Variants in GFRAL observed in about 807,000 individuals in gnomAD.
The protein encoded by GFRAL is GDNF family receptor alpha like.
GFRAL carries 36 observed loss-of-function variants against 45.4 expected under a neutral mutation model. The ratio of observed to expected loss-of-function variants is 0.79; its 90% confidence interval spans 0.61 to 1.05. The LOEUF (loss-of-function observed/expected upper bound fraction) is 1.05. Among genes scored for constraint, GFRAL ranks in the 50% least tolerant of loss-of-function variants. The pLI, the probability that GFRAL is intolerant of heterozygous loss-of-function variation, is 0.00. For synonymous variants in GFRAL, 166 were observed against 154.1 expected (o/e 1.08, Z -0.57); for missense variants, 507 against 467.5 (o/e 1.08, Z -0.78).
At chr6:55,328,933 G>C (rs1182332391) in intron 1 of GFRAL, among the ~76,000 whole-genome samples, 1 of 151,968 alleles carries the variant, frequency 6.6e-6, no homozygotes, top group Non-Finnish European at 1.5e-5. Context: ...ATGTCTGTTG[G>C]TAAAGAAATG....
intron 6 of GFRAL, among the ~76,000 whole-genome samples, chr6:55,395,647 G>A (rs908093171): frequency 1.3e-5 from 2 of 151,766 alleles, no homozygotes; most frequent in Non-Finnish European, 2.9e-5. Context: ...CAAGTATTCT[G>A]ACATTTATTT....
rs373588261 is a variant in GFRAL at position 55,358,944 on chromosome 6, A to G, written c.758A>G (p.His253Arg). The change falls in exon 6 of 9, where the codon CAT becomes CGT. Residue 253 changes from histidine (H) to arginine (R), a missense_variant. By Grantham distance (29) the His-to-Arg change is conservative. Transcript: ENST00000340465. ...KCWQRVTRKC[H>R]EDENCISTLS... ...TGGCAGCGTGTGACTAGAAAGTGCC[A>G]TGAAGATGAGAATTGCATTAGCACC... 1.2e-5 allele frequency: 19 copies of G among 1,612,898 alleles called. No homozygotes were observed. Among genetic ancestry groups the G allele is most frequent in the Non-Finnish European group, 1.6e-5 (19 of 1,179,288 alleles).
chr6:55,350,320 G>C (rs2077405973), intron 4 of GFRAL, among the ~76,000 whole-genome samples, 175 bp downstream of exon 4: 1 of 151,978 alleles, frequency 6.6e-6, no homozygotes, highest in African/African-American at 2.4e-5. Context: ...ATGCATCAAA[G>C]CAACTACTTT....
intron 6 of GFRAL, among the ~76,000 whole-genome samples, chr6:55,374,987 T>C (rs1768504526): frequency 6.6e-6 from 1 of 152,154 alleles, no homozygotes; most frequent in Admixed American, 6.6e-5. Flanking sequence ...TCTATGTGTA[T>C]GTTCTTATAC....
intron 3 of GFRAL, among the ~76,000 whole-genome samples, chr6:55,345,515 C>T (rs1393104474): frequency 2.0e-5 from 3 of 152,256 alleles, no homozygotes; most frequent in Admixed American, 1.3e-4. Context: ...AACTGGATTC[C>T]TTCCTTACAC....
intron 6 of GFRAL, among the ~76,000 whole-genome samples, chr6:55,396,954 C>T (rs951408628): frequency 4.8e-5 from 7 of 146,212 alleles, no homozygotes; most frequent in African/African-American, 1.0e-4. Flanking sequence ...ATCACAGCTA[C>T]GTCAATCTGG....
intron 6 of GFRAL, among the ~76,000 whole-genome samples, chr6:55,370,124 ATGAT>A (rs1424902225): frequency 6.6e-6 from 1 of 152,146 alleles, no homozygotes; most frequent in Admixed American, 6.5e-5. Context: ...TTTTCACTAC[ATGAT>A]TAATAGTCAG....
At chr6:55,363,774 T>C (rs2127358571) in intron 6 of GFRAL, among the ~76,000 whole-genome samples, 1 of 151,870 alleles carries the variant, frequency 6.6e-6, no homozygotes, top group East Asian at 1.9e-4. Context: ...AACTCATCCT[T>C]TTTTATGGCT....
intron 6 of GFRAL, among the ~76,000 whole-genome samples, chr6:55,384,355 T>G (rs1387506968): frequency 1.3e-5 from 2 of 152,066 alleles, no homozygotes; most frequent in Non-Finnish European, 2.9e-5. Flanking sequence ...TTTTTTCTAT[T>G]AATTAAAAAT....
intron 6 of GFRAL, among the ~76,000 whole-genome samples, chr6:55,388,596 C>T (rs569427325): frequency 4.6e-5 from 7 of 152,326 alleles, no homozygotes; most frequent in Admixed American, 2.6e-4. Context: ...CTAATAGCTA[C>T]TTCCAACACT....
At chr6:55,374,530 A>G (rs1264039646) in intron 6 of GFRAL, among the ~76,000 whole-genome samples, 1 of 151,906 alleles carries the variant, frequency 6.6e-6, no homozygotes, top group African/African-American at 2.4e-5. Flanking sequence ...TGGATATTAG[A>G]TCTTTGCCAA....
intron 3 of GFRAL, among the ~76,000 whole-genome samples, chr6:55,337,495 T>C (rs1203467408): frequency 6.6e-6 from 1 of 152,220 alleles, no homozygotes; most frequent in Non-Finnish European, 1.5e-5. Flanking sequence ...ATTCCTTCCT[T>C]ACATGATCTA....
At chr6:55,385,765 G>C (rs1184615563) in intron 6 of GFRAL, among the ~76,000 whole-genome samples, 1 of 152,084 alleles carries the variant, frequency 6.6e-6, no homozygotes, top group Admixed American at 6.6e-5. Flanking sequence ...GCAATTTGTT[G>C]CAATATAAAG....
chr6:55,366,419 GT>G (rs1347520317), intron 6 of GFRAL, among the ~76,000 whole-genome samples: 1 of 146,022 alleles, frequency 6.8e-6, no homozygotes, highest in African/African-American at 2.6e-5. Flanking sequence ...TTTTTGAAGG[GT>G]TTTTTGTGTC....
At chr6:55,334,290 G>A (rs1322038994) in intron 3 of GFRAL, among the ~76,000 whole-genome samples, 1 of 152,060 alleles carries the variant, frequency 6.6e-6, no homozygotes, top group African/African-American at 2.4e-5. Context: ...AGTTTATTGT[G>A]GCCTTGCACA....
At chr6:55,340,736 C>T (rs1249923833) in intron 3 of GFRAL, among the ~76,000 whole-genome samples, 1 of 152,044 alleles carries the variant, frequency 6.6e-6, no homozygotes, top group Non-Finnish European at 1.5e-5. Flanking sequence ...ATTGCCTCAC[C>T]CGGGAAGCAC....
intron 5 of GFRAL, among the ~76,000 whole-genome samples, chr6:55,357,601 T>C (rs1306891191): frequency 6.6e-6 from 1 of 151,806 alleles, no homozygotes; most frequent in East Asian, 1.9e-4. Context: ...CATTGGCTCG[T>C]TTTATTTTTA....
At position 55,399,695 on chromosome 6, in the gene GFRAL, A is replaced by G. The variant is rs148618421; in HGVS notation, c.1121+254A>G. The stretch of plus-strand genomic sequence containing the variant: ...ACATATGCATTGTATGTTCCTTCCA[A>G]TTAAACTCTTATCCATCTTTCCCCT... On this transcript the variant is annotated intron_variant, in intron 8 of 8. Coordinates refer to ENST00000340465, the MANE Select transcript of GFRAL (RefSeq NM_207410.2). Among the ~76,000 whole-genome samples, 44 of 152,230 alleles carry G rather than the reference A, an allele frequency of 2.9e-4. No individual in the cohort carries two copies. In the East Asian group the frequency reaches 8.3e-3, roughly 29 times the overall value.
intron 8 of GFRAL, among the ~76,000 whole-genome samples, chr6:55,401,249 C>T (rs1225723214): frequency 6.6e-6 from 1 of 152,012 alleles, no homozygotes; most frequent in Non-Finnish European, 1.5e-5. Flanking sequence ...AATGTGTAAT[C>T]GGAAAACTCC....
Sources: gnomAD v4.1 joint callset for allele counts (sites outside exome capture counted in the v4.1 genomes callset) on GRCh38, gnomAD v4.1.1 for gene constraint, MANE v1.5 for transcripts, NCBI Gene and HGNC (gene_info 2026-07-23, HGNC 2026-07-21) for gene names.